CTNND2: variants seen among roughly 807,000 people sequenced by gnomAD.
The protein encoded by CTNND2 is catenin delta-2.
Under a neutral mutation model 144.4 loss-of-function variants are expected in CTNND2, and 22 were observed. That is an observed-to-expected ratio of 0.15 (90% CI 0.11 to 0.22). The LOEUF (loss-of-function observed/expected upper bound fraction) is 0.22. Ranked by LOEUF, CTNND2 falls within the 10% of genes least tolerant of loss-of-function variation. The pLI is 1.00. For missense variants in CTNND2, 1,353 were observed against 1,618.8 expected (o/e 0.84, Z 2.82); for synonymous variants, 751 against 695.6 (o/e 1.08, Z -1.25).
At chr5:11,020,157 G>A (rs532842776) in intron 17 of CTNND2, among the ~76,000 whole-genome samples, 3 of 152,100 alleles carry the variant, frequency 2.0e-5, no homozygotes, top group Non-Finnish European at 4.4e-5. Context: ...GACGCTGTGA[G>A]TTGTGCAGTT....
At chr5:11,761,106 C>T (rs959154275) in intron 1 of CTNND2, among the ~76,000 whole-genome samples, 3 of 152,092 alleles carry the variant, frequency 2.0e-5, no homozygotes, top group African/African-American at 4.8e-5. Context: ...AAGACGATAC[C>T]GAGTGTTGAA....
At chr5:11,557,568 G>A (rs1038690647) in intron 3 of CTNND2, among the ~76,000 whole-genome samples, 1 of 151,966 alleles carries the variant, frequency 6.6e-6, no homozygotes. Flanking sequence ...CTCTAGCTTC[G>A]AATTGAATTT....
intron 2 of CTNND2, among the ~76,000 whole-genome samples, chr5:11,701,372 A>T (rs1370144328): frequency 2.0e-5 from 3 of 152,246 alleles, no homozygotes; most frequent in African/African-American, 7.2e-5. Context: ...TGCATGAAGT[A>T]TAAGTAAATC....
intron 8 of CTNND2, among the ~76,000 whole-genome samples, chr5:11,347,888 A>C (rs1382261388): frequency 6.6e-6 from 1 of 152,218 alleles, no homozygotes; most frequent in Non-Finnish European, 1.5e-5. Context: ...AAAAGAGGTA[A>C]GGAAATTGTG....
At chr5:11,804,113 T>C (rs1791860268) in intron 1 of CTNND2, among the ~76,000 whole-genome samples, 1 of 152,194 alleles carries the variant, frequency 6.6e-6, no homozygotes, top group African/African-American at 2.4e-5. Context: ...TCATGGTTTC[T>C]GTTTAACAGT....
At chr5:11,608,334 C>A (rs905112942) in intron 2 of CTNND2, among the ~76,000 whole-genome samples, 3 of 152,278 alleles carry the variant, frequency 2.0e-5, no homozygotes, top group African/African-American at 7.2e-5. Context: ...TTAATCTAGG[C>A]AATTGCCTAC....
intron 7 of CTNND2, among the ~76,000 whole-genome samples, chr5:11,379,348 G>A (rs988393421): frequency 1.3e-5 from 2 of 151,974 alleles, no homozygotes; most frequent in African/African-American, 4.8e-5. Flanking sequence ...TATGCATCAC[G>A]TACATTTAAG....
intron 3 of CTNND2, among the ~76,000 whole-genome samples, chr5:11,479,767 T>C (rs1768074228): frequency 1.3e-5 from 2 of 152,220 alleles, no homozygotes; most frequent in Admixed American, 1.3e-4. Context: ...TGAGCTTTTT[T>C]TTTTTCATAA....
At chr5:11,264,645 A>G (rs1352533701) in intron 9 of CTNND2, among the ~76,000 whole-genome samples, 5 of 152,176 alleles carry the variant, frequency 3.3e-5, no homozygotes, top group Non-Finnish European at 7.4e-5. Context: ...AAGTGTATTC[A>G]TTGGCTGGGT....
chr5:11,757,926 A>C (rs1434902043), intron 1 of CTNND2, among the ~76,000 whole-genome samples: 1 of 152,012 alleles, frequency 6.6e-6, no homozygotes, highest in Non-Finnish European at 1.5e-5. Context: ...AGGAAAAATA[A>C]ACAGCATGTA....
At chr5:11,378,445 A>G (rs1758149146) in intron 7 of CTNND2, among the ~76,000 whole-genome samples, 1 of 152,228 alleles carries the variant, frequency 6.6e-6, no homozygotes, top group Non-Finnish European at 1.5e-5. Flanking sequence ...AACCACCTTT[A>G]CAAGGTTAAA....
At position 11,375,968 on chromosome 5, in the gene CTNND2, G is replaced by A. The variant is rs572537563; in HGVS notation, c.1177+8697C>T. On this transcript the variant is annotated intron_variant, in intron 7 of 21. Coordinates refer to ENST00000304623, the MANE Select transcript of CTNND2 (RefSeq NM_001332.4). ...CTAACACCCAGTGTGATGGTGTTAG[G>A]AGGTGGGGCCTCTGGGAGGTGATGA... 3.4e-4 allele frequency among the ~76,000 whole-genome samples: 51 copies of A among 152,222 alleles called. 1 individual carries two copies. The South Asian group carries it at 0.011, about 32-fold the overall frequency.
At chr5:11,677,527 A>G (rs1368023655) in intron 2 of CTNND2, among the ~76,000 whole-genome samples, 2 of 152,204 alleles carry the variant, frequency 1.3e-5, no homozygotes, top group African/African-American at 4.8e-5. Flanking sequence ...AGCGATTATG[A>G]TTCCTTAGAA....
chr5:11,021,500 T>C (rs537125970), intron 17 of CTNND2, among the ~76,000 whole-genome samples: 2 of 152,328 alleles, frequency 1.3e-5, no homozygotes, highest in South Asian at 2.1e-4. Flanking sequence ...CTACGTAGGA[T>C]AGCACTTTAT....
intron 1 of CTNND2, among the ~76,000 whole-genome samples, chr5:11,900,978 G>GA (rs1215562056): frequency 6.6e-6 from 1 of 151,808 alleles, no homozygotes; most frequent in Non-Finnish European, 1.5e-5. Context: ...TTCGCACAGA[G>GA]AAAAAACAAA....
At chr5:11,664,847 G>A (rs1783468989) in intron 2 of CTNND2, among the ~76,000 whole-genome samples, 1 of 152,144 alleles carries the variant, frequency 6.6e-6, no homozygotes, top group Admixed American at 6.6e-5. Context: ...TTCAGGGAAT[G>A]AAGTATGAAG....
At chr5:11,892,130 T>C (rs895551969) in intron 1 of CTNND2, among the ~76,000 whole-genome samples, 17 of 152,254 alleles carry the variant, frequency 1.1e-4, no homozygotes, top group Non-Finnish European at 1.8e-4. Flanking sequence ...ACATTGTGTC[T>C]ATATTTTTAA....
intron 9 of CTNND2, among the ~76,000 whole-genome samples, chr5:11,274,335 T>C (rs570419425): frequency 6.6e-6 from 1 of 152,342 alleles, no homozygotes; most frequent in Non-Finnish European, 1.5e-5. Context: ...TGGGTGCTGA[T>C]GAAATATCTT....
At chr5:11,890,413 T>C (rs1430627993) in intron 1 of CTNND2, among the ~76,000 whole-genome samples, 1 of 152,138 alleles carries the variant, frequency 6.6e-6, no homozygotes, top group Non-Finnish European at 1.5e-5. Flanking sequence ...AGCACTATAT[T>C]ACACCTGTAC....
Sources: gnomAD v4.1 joint callset for allele counts (sites outside exome capture counted in the v4.1 genomes callset) on GRCh38, gnomAD v4.1.1 for gene constraint, MANE v1.5 for transcripts, NCBI Gene and HGNC (gene_info 2026-07-23, HGNC 2026-07-21) for gene names.